LRRTM4: variants seen among roughly 807,000 people sequenced by gnomAD.
LRRTM4 encodes the protein leucine-rich repeat transmembrane neuronal protein 4.
LRRTM4 carries 25 observed loss-of-function variants against 47.6 expected under a neutral mutation model. That is an observed-to-expected ratio of 0.53 (90% confidence interval 0.38 to 0.73). The LOEUF is 0.73. LRRTM4 is among the 30% of genes least tolerant of loss of function. The probability of loss-of-function intolerance (pLI) is 0.00; values close to 1 mark genes in which losing one functional copy is unlikely to be tolerated. For missense variants in LRRTM4, 638 were observed against 713.4 expected, an observed-to-expected ratio of 0.89 and a Z score of 1.20; for synonymous variants, 311 against 269.5, an observed-to-expected ratio of 1.15 and a Z score of -1.51.
intron 3 of LRRTM4, among the ~76,000 whole-genome samples, chr2:76,974,661 G>A (rs1435938031): frequency 6.6e-6 from 1 of 151,570 alleles, no homozygotes; most frequent in Non-Finnish European, 1.5e-5. Flanking sequence ...ATATTTTTCA[G>A]TAAGTTGTGC....
intron 3 of LRRTM4, among the ~76,000 whole-genome samples, chr2:76,911,021 C>A (rs1384568502): frequency 3.9e-5 from 6 of 152,162 alleles, no homozygotes; most frequent in Admixed American, 2.0e-4. Context: ...AAGTGGCCAA[C>A]TTTGCTGAAT....
intron 3 of LRRTM4, among the ~76,000 whole-genome samples, chr2:76,954,292 T>C (rs1005645082): frequency 6.6e-6 from 1 of 151,710 alleles, no homozygotes; most frequent in Non-Finnish European, 1.5e-5. Context: ...ATCAAAAAGA[T>C]GACCAATAAG....
intron 3 of LRRTM4, among the ~76,000 whole-genome samples, chr2:77,005,004 A>T (rs2104039335): frequency 6.6e-6 from 1 of 152,194 alleles, no homozygotes; most frequent in African/African-American, 2.4e-5. Context: ...TCTAAAAAGT[A>T]ATTAACTTGT....
intron 3 of LRRTM4, among the ~76,000 whole-genome samples, chr2:77,483,697 A>G (rs773870166): frequency 4.6e-5 from 7 of 152,194 alleles, no homozygotes; most frequent in Non-Finnish European, 8.8e-5. Flanking sequence ...AGGTAGCTGA[A>G]AAACAAAAAT....
chr2:77,183,238 CA>C (rs1474793389), intron 3 of LRRTM4, among the ~76,000 whole-genome samples: 3 of 151,372 alleles, frequency 2.0e-5, no homozygotes, highest in Admixed American at 1.3e-4. Flanking sequence ...AAATTTACAA[CA>C]AAAAAACAAC....
intron 3 of LRRTM4, among the ~76,000 whole-genome samples, chr2:76,827,838 T>G (rs1671230801): frequency 6.6e-6 from 1 of 151,898 alleles, no homozygotes; most frequent in Non-Finnish European, 1.5e-5. Flanking sequence ...TCTAGGGAAC[T>G]AGATGGTTAT....
chr2:76,827,756 T>G (rs1208939076), intron 3 of LRRTM4, among the ~76,000 whole-genome samples: 4 of 151,860 alleles, frequency 2.6e-5, no homozygotes, highest in Non-Finnish European at 4.4e-5. Context: ...GCAATGCCAA[T>G]ACCTATCAAG....
chr2:76,902,507 T>A (rs1180229083), intron 3 of LRRTM4, among the ~76,000 whole-genome samples: 3 of 152,286 alleles, frequency 2.0e-5, no homozygotes, highest in Admixed American at 6.5e-5. Context: ...CATGTGGACT[T>A]TGATGACCTT....
At chr2:76,788,833 C>T (rs1445396087) in intron 3 of LRRTM4, among the ~76,000 whole-genome samples, 1 of 151,644 alleles carries the variant, frequency 6.6e-6, no homozygotes, top group Admixed American at 6.6e-5. Context: ...ATATTAAAAT[C>T]TGTGATAATA....
intron 3 of LRRTM4, among the ~76,000 whole-genome samples, chr2:76,822,830 C>T (rs914719155): frequency 6.6e-6 from 1 of 151,192 alleles, no homozygotes; most frequent in Admixed American, 6.6e-5. Flanking sequence ...ACATACCTGC[C>T]CATTGGCCTA....
rs912276213 is a variant in LRRTM4 at position 77,299,258 on chromosome 2, TAC to T, written c.1551+219058_1551+219059del. On this transcript the variant is annotated intron_variant, in intron 3 of 3. Coordinates refer to ENST00000409884, the MANE Select transcript of LRRTM4 (RefSeq NM_001134745.3). ...CTCTCTCTCTTTATCTATATATATATACACACACACACACACACACACACACA... is the reference window on the plus strand; with the variant it reads ...CTCTCTCTCTTTATCTATATATATATACACACACACACACACACACACACA... 5.8e-3 allele frequency among the ~76,000 whole-genome samples: 388 copies of T among 67,244 alleles called. 1 individual carries two copies. Among genetic ancestry groups the T allele is most frequent in the South Asian group, 0.015 (32 of 2,144 alleles). The allele number at this position is 67,244 out of a possible 152,430, so 44.1% of individuals were successfully genotyped here.
At chr2:76,934,810 A>G (rs1379683751) in intron 3 of LRRTM4, among the ~76,000 whole-genome samples, 5 of 152,214 alleles carry the variant, frequency 3.3e-5, no homozygotes, top group South Asian at 2.1e-4. Flanking sequence ...GTGTGTATGA[A>G]GAAATCCTGT....
At chr2:77,485,407 T>G (rs1012520467) in intron 3 of LRRTM4, among the ~76,000 whole-genome samples, 3 of 152,036 alleles carry the variant, frequency 2.0e-5, no homozygotes, top group Admixed American at 2.0e-4. Flanking sequence ...ATAATCTACA[T>G]GTAAAGAAAA....
chr2:76,940,727 A>C (rs1675109477), intron 3 of LRRTM4, among the ~76,000 whole-genome samples: 1 of 152,166 alleles, frequency 6.6e-6, no homozygotes, highest in African/African-American at 2.4e-5. Context: ...TGTACGTCAG[A>C]AAGAGGTTCT....
chr2:77,168,541 C>G (rs1353752925), intron 3 of LRRTM4, among the ~76,000 whole-genome samples: 2 of 151,914 alleles, frequency 1.3e-5, no homozygotes, highest in African/African-American at 4.8e-5. Flanking sequence ...AAAATGTTTT[C>G]CTTTCTTTGT....
At chr2:77,079,088 G>A (rs1680443179) in intron 3 of LRRTM4, among the ~76,000 whole-genome samples, 1 of 152,174 alleles carries the variant, frequency 6.6e-6, no homozygotes, top group African/African-American at 2.4e-5. Flanking sequence ...TGAGGGTCAG[G>A]ATTTCAACAT....
At chr2:77,476,479 G>A (rs190590184) in intron 3 of LRRTM4, among the ~76,000 whole-genome samples, 146 of 151,992 alleles carry the variant, frequency 9.6e-4, no homozygotes, top group Non-Finnish European at 1.7e-3. Context: ...TATAAGAAGA[G>A]GTAATCTCTT....
intron 3 of LRRTM4, among the ~76,000 whole-genome samples, chr2:77,185,390 T>A (rs1014174932): frequency 6.6e-6 from 1 of 152,180 alleles, no homozygotes; most frequent in Non-Finnish European, 1.5e-5. Flanking sequence ...TTGGTCTCCA[T>A]CCACCAGATG....
intron 3 of LRRTM4, among the ~76,000 whole-genome samples, chr2:76,871,792 A>G (rs1672631525): frequency 1.3e-5 from 2 of 152,176 alleles, no homozygotes; most frequent in Admixed American, 1.3e-4. Context: ...GCTTTTATGA[A>G]GCCAACTGCC....
Sources: allele counts gnomAD v4.1 joint callset (sites outside exome capture counted in the v4.1 genomes callset), GRCh38; gene constraint gnomAD v4.1.1; transcripts MANE v1.5; gene names NCBI Gene and HGNC (gene_info 2026-07-23, HGNC 2026-07-21).